The following SLAIN2 variants were observed in gnomAD, a reference collection of about 807,000 sequenced individuals.
SLAIN2 encodes SLAIN motif-containing protein 2.
Under a neutral mutation model 56.6 loss-of-function variants are expected in SLAIN2, and 31 were observed. That is an observed-to-expected ratio of 0.55 (90% CI 0.41 to 0.74). The LOEUF (loss-of-function observed/expected upper bound fraction) is 0.74. Among genes scored for constraint, SLAIN2 ranks in the 30% least tolerant of loss-of-function variants. SLAIN2 has a pLI of 0.00. For missense variants in SLAIN2, 777 were observed against 754.2 expected (o/e 1.03, Z -0.35); for synonymous variants, 317 against 284.9 (o/e 1.11, Z -1.13).
At chr4:48,408,723 AGC>A (rs1716769724) in intron 6 of SLAIN2, among the ~76,000 whole-genome samples, 1 of 152,136 alleles carries the variant, frequency 6.6e-6, no homozygotes, top group Admixed American at 6.5e-5. Context: ...GTTAACAGTA[AGC>A]TAAGGTTAAT....
chr4:48,413,850 T>C (rs1716929133), intron 6 of SLAIN2, among the ~76,000 whole-genome samples: 1 of 152,194 alleles, frequency 6.6e-6, no homozygotes. Flanking sequence ...TATTGCTAGG[T>C]ACATGTTGGA....
intron 1 of SLAIN2, among the ~76,000 whole-genome samples, chr4:48,344,479 G>T: frequency 6.6e-6 from 1 of 152,216 alleles, no homozygotes; most frequent in Non-Finnish European, 1.5e-5. Flanking sequence ...TAGAAAAAAA[G>T]TGGGTGGGTT....
chr4:48,372,827 A>AT (rs1486922907), intron 2 of SLAIN2, among the ~76,000 whole-genome samples: 5 of 152,186 alleles, frequency 3.3e-5, no homozygotes, highest in African/African-American at 9.7e-5. Flanking sequence ...TTAAGGAAAA[A>AT]TTTTGGCTTT....
chr4:48,376,690 C>T (rs1210862655), intron 2 of SLAIN2, among the ~76,000 whole-genome samples: 14 of 129,828 alleles, frequency 1.1e-4, no homozygotes, highest in South Asian at 1.0e-3. Context: ...GGCTCGATAT[C>T]GGCTCACTGC....
rs535222438 is a variant in SLAIN2 at position 48,342,918 on chromosome 4, G to A, written c.389+790G>A. Among the ~76,000 whole-genome samples, 6 of 152,070 alleles carry A rather than the reference G, an allele frequency of 3.9e-5. No individual in the cohort carries two copies. The South Asian group carries it at 1.2e-3, about 32-fold the overall frequency. On this transcript the variant is annotated intron_variant, in intron 1 of 7. Coordinates refer to ENST00000264313, the MANE Select transcript of SLAIN2 (RefSeq NM_020846.2). Reference sequence around the variant, plus strand: ...TAAAAATTTAAACCAAAGCTATATTGTCATAAGCCACTTCTTGATGAAATT... The same window carrying A: ...TAAAAATTTAAACCAAAGCTATATTATCATAAGCCACTTCTTGATGAAATT...
intron 1 of SLAIN2, among the ~76,000 whole-genome samples, chr4:48,363,789 TG>T (rs1440677545): frequency 1.3e-5 from 1 of 74,276 alleles, no homozygotes; most frequent in African/African-American, 5.3e-5. Flanking sequence ...GCTGGCCGGG[TG>T]GGGGGGCTGA....
In SLAIN2 at chr4:48,376,768, G is replaced by A. The variant is rs1338492433; in HGVS notation, c.539-1128G>A. On this transcript the variant is annotated intron_variant, in intron 2 of 7. Transcript: ENST00000264313. ...TCTCCGAGTAGCTGGGACTACAGGC[G>A]CCCGCCACCACACCTGGCTAATTTT... Among the ~76,000 whole-genome samples, 4 of 150,512 alleles carry A rather than the reference G, an allele frequency of 2.7e-5. No individual in the cohort carries two copies. In the South Asian group the frequency reaches 6.3e-4, roughly 24 times the overall value.
chr4:48,420,819 G>C (rs1441338403), intron 7 of SLAIN2, among the ~76,000 whole-genome samples: 1 of 152,060 alleles, frequency 6.6e-6, no homozygotes, highest in East Asian at 1.9e-4. Context: ...AAAACTTCTA[G>C]CTACCAAGTC....
rs1717188843 is a variant in SLAIN2 at position 48,422,649 on chromosome 4, G to A, written c.*572G>A. ...GATTAAAACATTCCTAAATTTAGCAGAATTTCAGAAATGATTTTTGCAGAT... is the reference window on the plus strand; with the variant it reads ...GATTAAAACATTCCTAAATTTAGCAAAATTTCAGAAATGATTTTTGCAGAT... On this transcript the variant is annotated 3_prime_UTR_variant, in exon 8 of 8. Coordinates refer to ENST00000264313, the MANE Select transcript of SLAIN2 (RefSeq NM_020846.2). 6.6e-6 allele frequency: 1 copy of A among 152,176 alleles called. No homozygotes were observed. The highest frequency in any genetic ancestry group is 1.5e-5 in the Non-Finnish European group (1 of 68,034). 9.4% of individuals were successfully genotyped at this position (152,176 alleles called of 1,614,324 possible).
chr4:48,365,900 A>G (rs1395199473), intron 1 of SLAIN2, among the ~76,000 whole-genome samples: 1 of 152,170 alleles, frequency 6.6e-6, no homozygotes. Context: ...TAATTTTTCA[A>G]GCTTAGATTA....
Position 48,399,145 on chromosome 4 carries a change from G to A in SLAIN2, c.1360+15361G>A, listed in dbSNP as rs542813638. Among the ~76,000 whole-genome samples the A allele has an allele frequency of 4.6e-5, 7 of 152,294 alleles. No homozygotes were observed. The East Asian group carries it at 1.2e-3, about 25-fold the overall frequency. On this transcript the variant is annotated intron_variant, in intron 6 of 7. Coordinates refer to ENST00000264313, the MANE Select transcript of SLAIN2 (RefSeq NM_020846.2). ...TTCTTCCTATCCATGAGCATGGAAT[G>A]TTTTTCCATTTGTTTGTTTCCTCTC... is the stretch of plus-strand genomic sequence containing the variant.
chr4:48,362,747 A>ATTTTTTTTTTTTTTTTTTTT (rs1715365516), intron 1 of SLAIN2, among the ~76,000 whole-genome samples: 2 of 51,510 alleles, frequency 3.9e-5, no homozygotes, highest in African/African-American at 6.5e-5. Flanking sequence ...TTTTTTTTTT[A>ATTTTTTTTTTTTTTTTTTTT]TTCTTTTTTT....
intron 6 of SLAIN2, among the ~76,000 whole-genome samples, chr4:48,395,974 A>G (rs767682517): frequency 5.3e-5 from 8 of 151,962 alleles, no homozygotes; most frequent in Non-Finnish European, 1.0e-4. Flanking sequence ...GTTTATATAA[A>G]TTTTGTTGTT....
intron 5 of SLAIN2, 100 bp downstream of exon 5, chr4:48,383,027 G>C: frequency 8.2e-7 from 1 of 1,221,052 alleles, no homozygotes; most frequent in Admixed American, 2.7e-5. Context: ...AATTAGCTGG[G>C]CATGGTGGTG....
chr4:48,408,485 C>T (rs1197784600), intron 6 of SLAIN2, among the ~76,000 whole-genome samples: 4 of 141,228 alleles, frequency 2.8e-5, no homozygotes, highest in African/African-American at 1.0e-4. Flanking sequence ...TGATCCTAAC[C>T]CTGTATAGGC....
At chr4:48,410,086 C>T (rs1716805730) in intron 6 of SLAIN2, among the ~76,000 whole-genome samples, 1 of 152,098 alleles carries the variant, frequency 6.6e-6, no homozygotes, top group African/African-American at 2.4e-5. Flanking sequence ...ATGAGGGTTC[C>T]AGTTTCTCCA....
chr4:48,382,998 C>A, intron 5 of SLAIN2, 71 bp downstream of exon 5: 1 of 1,448,022 alleles, frequency 6.9e-7, no homozygotes, highest in South Asian at 1.5e-5. Flanking sequence ...GACCCCGTCT[C>A]TAGGAAAAAA....
At chr4:48,419,102 T>C (rs1367655738) in intron 6 of SLAIN2, among the ~76,000 whole-genome samples, 1 of 129,540 alleles carries the variant, frequency 7.7e-6, no homozygotes, top group Non-Finnish European at 1.7e-5. Context: ...AGCTTTTTTC[T>C]GTTTTCCTTT....
At chr4:48,386,263 A>G (rs1479603646) in intron 6 of SLAIN2, among the ~76,000 whole-genome samples, 1 of 152,178 alleles carries the variant, frequency 6.6e-6, no homozygotes, top group African/African-American at 2.4e-5. Context: ...GAACAATTCT[A>G]TGAAGGAGGT....
Sources: allele counts gnomAD v4.1 joint callset (sites outside exome capture counted in the v4.1 genomes callset), GRCh38; gene constraint gnomAD v4.1.1; transcripts MANE v1.5; gene names NCBI Gene and HGNC (gene_info 2026-07-23, HGNC 2026-07-21).